DLGAP1: variants seen among roughly 807,000 people sequenced by gnomAD.
DLGAP1 encodes the protein disks large-associated protein 1.
DLGAP1 carries 11 observed loss-of-function variants against 90.8 expected under a neutral mutation model. The observed-to-expected ratio is 0.12, with a 90% CI of 0.08 to 0.20. The LOEUF (loss-of-function observed/expected upper bound fraction) is 0.20, where lower values mean the gene tolerates loss of function less well. Ranked by LOEUF, DLGAP1 falls within the 10% of genes least tolerant of loss-of-function variation. DLGAP1 has a pLI of 1.00. For missense variants in DLGAP1, 1,050 were observed against 1,333.8 expected (o/e 0.79, Z 3.31); for synonymous variants, 558 against 540.7 (o/e 1.03, Z -0.44).
chr18:3,793,692 T>C (rs2065852931), intron 5 of DLGAP1, among the ~76,000 whole-genome samples: 1 of 152,142 alleles, frequency 6.6e-6, no homozygotes, highest in Non-Finnish European at 1.5e-5. Flanking sequence ...TGGCCACCCC[T>C]GCTCTCCTGC....
At chr18:4,451,000 T>C (rs750946626) in intron 1 of DLGAP1, among the ~76,000 whole-genome samples, 13 of 152,202 alleles carry the variant, frequency 8.5e-5, no homozygotes, top group Non-Finnish European at 1.5e-4. Flanking sequence ...TCCTTTTGCA[T>C]GAGCTGGTTT....
At position 3,582,175 on chromosome 18, in the gene DLGAP1, A is replaced by G; in HGVS notation, c.1665T>C (p.Ile555=). The change falls in exon 8 of 13, where the codon ATT becomes ATC. Residue 555 remains isoleucine (I), a synonymous_variant. Transcript: ENST00000315677. ...VPPRTTTKPF[I]SITAQSSTES... is the part of the protein sequence containing the mutation. ...CTGTGCTACTCTGGGCTGTGATAGAAATGAAAGGTTTCGTGGTAGTTCTGG... is the reference window on the plus strand; with the variant it reads ...CTGTGCTACTCTGGGCTGTGATAGAGATGAAAGGTTTCGTGGTAGTTCTGG... 1.2e-6 allele frequency: 2 copies of G among 1,613,698 alleles called. No individual in the cohort carries two copies. The highest frequency in any genetic ancestry group is 1.7e-6 in the Non-Finnish European group (2 of 1,179,958).
chr18:4,202,047 TAATTGCAAA>T (rs1398050513), intron 1 of DLGAP1, among the ~76,000 whole-genome samples: 5 of 152,028 alleles, frequency 3.3e-5, no homozygotes, highest in Non-Finnish European at 7.4e-5. Flanking sequence ...GCATAATTCA[TAATTGCAAA>T]AATATGAAAT....
intron 1 of DLGAP1, among the ~76,000 whole-genome samples, chr18:4,158,138 T>C (rs1414775618): frequency 1.3e-5 from 2 of 152,148 alleles, no homozygotes; most frequent in Admixed American, 1.3e-4. Context: ...ATTTCCACTG[T>C]TTGGGTAAGG....
chr18:4,055,229 G>A (rs1024841700), intron 2 of DLGAP1, among the ~76,000 whole-genome samples: 7 of 152,156 alleles, frequency 4.6e-5, no homozygotes, highest in Admixed American at 2.0e-4. Flanking sequence ...TCACCACAGC[G>A]GTTGAGAGAG....
At position 3,821,702 on chromosome 18, in the gene DLGAP1, T is replaced by C. The variant is rs368131018; in HGVS notation, c.958-7429A>G. ...CAGTTTGGAGGAGGGAGTGGGTGAT[T>C]AGAAAACTTGCAGGACAGCCACACC... On this transcript the variant is annotated intron_variant, in intron 4 of 12. Coordinates refer to ENST00000315677, the MANE Select transcript of DLGAP1 (RefSeq NM_004746.4). Among the ~76,000 whole-genome samples, 34 of 152,266 alleles carry C rather than the reference T, an allele frequency of 2.2e-4. No homozygotes were observed. The East Asian group carries it at 5.2e-3, about 23-fold the overall frequency.
intron 1 of DLGAP1, among the ~76,000 whole-genome samples, chr18:4,289,232 T>C (rs2079786026): frequency 6.6e-6 from 1 of 152,118 alleles, no homozygotes; most frequent in African/African-American, 2.4e-5. Flanking sequence ...TGTGTGTTTG[T>C]CTAGGGTGGA....
intron 1 of DLGAP1, among the ~76,000 whole-genome samples, chr18:4,221,596 C>T: frequency 6.6e-6 from 1 of 152,142 alleles, no homozygotes; most frequent in East Asian, 1.9e-4. Context: ...GCTGCTTCAC[C>T]CTGGTCCTGG....
intron 4 of DLGAP1, among the ~76,000 whole-genome samples, chr18:3,865,006 A>C (rs2070303305): frequency 6.6e-6 from 1 of 152,094 alleles, no homozygotes; most frequent in South Asian, 2.1e-4. Context: ...CTCATGTACC[A>C]AGCAGAATTC....
At chr18:3,979,201 A>T (rs2073668550) in intron 3 of DLGAP1, among the ~76,000 whole-genome samples, 1 of 152,064 alleles carries the variant, frequency 6.6e-6, no homozygotes. Flanking sequence ...TTGCATGTAC[A>T]GTGGCAGTCC....
chr18:3,565,814 G>A lies in DLGAP1; in HGVS notation c.2057+1676C>T, dbSNP rs1252519172. Among the ~76,000 whole-genome samples the A allele has an allele frequency of 4.0e-5, 6 of 151,814 alleles. No individual in the cohort carries two copies. The highest frequency in any genetic ancestry group is 1.5e-4 in the African/African-American group (6 of 41,316). On this transcript the variant is annotated intron_variant, in intron 9 of 12. Transcript: ENST00000315677. This position sits in a 1 kb window ranked among gnomAD's most constrained non-coding sequence, Gnocchi z 4.0. ...TGCACCACTGCACCCCAGCCTGGGCGACAGAGTGAGACTCTGTCTCAAAAA... is the reference window on the plus strand; with the variant it reads ...TGCACCACTGCACCCCAGCCTGGGCAACAGAGTGAGACTCTGTCTCAAAAA...
At chr18:4,438,431 C>CAAA (rs11389361) in intron 1 of DLGAP1, among the ~76,000 whole-genome samples, 681 of 51,838 alleles carry the variant, frequency 0.013, 84 homozygotes, top group African/African-American at 0.033. Context: ...GACTCCATCT[C>CAAA]AAAAAAAAAA....
In DLGAP1 at chr18:3,635,167, T is replaced by G. The variant is rs188585944; in HGVS notation, c.1592-52919A>C. Among the ~76,000 whole-genome samples, 781 of 151,490 alleles carry G rather than the reference T, an allele frequency of 5.2e-3. 1 individual carries two copies. Among genetic ancestry groups the G allele is most frequent in the African/African-American group, 0.012 (488 of 41,284 alleles). On this transcript the variant is annotated intron_variant, in intron 7 of 12. Coordinates refer to ENST00000315677, the MANE Select transcript of DLGAP1 (RefSeq NM_004746.4). Reference sequence around the variant, plus strand: ...TTTTTTTGAGAGGGAGTCTCGCTCTTTCACCCAGGCTGGAGTGCAGTGGCG... The same window carrying G: ...TTTTTTTGAGAGGGAGTCTCGCTCTGTCACCCAGGCTGGAGTGCAGTGGCG...
At chr18:3,907,892 G>A (rs1308899440) in intron 3 of DLGAP1, among the ~76,000 whole-genome samples, 2 of 152,190 alleles carry the variant, frequency 1.3e-5, no homozygotes, top group Non-Finnish European at 2.9e-5. Flanking sequence ...AGAATATTCA[G>A]TTTCATCAAA....
intron 8 of DLGAP1, chr18:3,571,253 G>A (rs1464288831): frequency 6.6e-6 from 1 of 151,654 alleles, no homozygotes; most frequent in African/African-American, 2.4e-5. Flanking sequence ...CTACAGTACA[G>A]TGGCTATTCA....
chr18:4,453,833 C>T (rs1248854421), intron 1 of DLGAP1, among the ~76,000 whole-genome samples: 1 of 152,178 alleles, frequency 6.6e-6, no homozygotes, highest in African/African-American at 2.4e-5. Context: ...GTCTCTGTGT[C>T]AGGAGTAAGG....
At chr18:3,518,280 A>G (rs2050965740) in intron 10 of DLGAP1, among the ~76,000 whole-genome samples, 1 of 152,184 alleles carries the variant, frequency 6.6e-6, no homozygotes, top group Admixed American at 6.5e-5. Flanking sequence ...CATAAACACC[A>G]TTTATTGATT....
chr18:4,208,915 G>T lies in DLGAP1; in HGVS notation c.-266-57628C>A, dbSNP rs144519284. On this transcript the variant is annotated intron_variant, in intron 1 of 12. Coordinates refer to ENST00000315677, the MANE Select transcript of DLGAP1 (RefSeq NM_004746.4). ...CAAAATGGCAGCTATAATAGGCAGA[G>T]AACTCATTACCTGCAGAAAGCAGAG... Among the ~76,000 whole-genome samples the T allele has an allele frequency of 1.9e-3, 282 of 152,272 alleles. 4 individuals carry two copies. The East Asian group carries it at 0.02, about 11-fold the overall frequency.
At chr18:3,551,170 TATATATAC>T (rs1403565197) in intron 9 of DLGAP1, among the ~76,000 whole-genome samples, 2 of 11,046 alleles carry the variant, frequency 1.8e-4, no homozygotes, top group African/African-American at 2.1e-4. Context: ...TATATATATA[TATATATAC>T]ACATACATAT....
Sources: gnomAD v4.1 joint callset for allele counts (sites outside exome capture counted in the v4.1 genomes callset) on GRCh38, gnomAD v4.1.1 for gene constraint, Gnocchi (gnomAD v3.1) non-coding constraint, MANE v1.5 for transcripts, NCBI Gene and HGNC (gene_info 2026-07-23, HGNC 2026-07-21) for gene names.